Variants in LMO7 observed in about 807,000 individuals in gnomAD.
The protein encoded by LMO7 is LIM domain 7.
A neutral mutation model predicts 206.5 loss-of-function variants in LMO7; 120 were observed. The observed-to-expected ratio is 0.58, with a 90% CI of 0.50 to 0.68. The LOEUF is 0.68. Among genes scored for constraint, LMO7 ranks in the 30% least tolerant of loss-of-function variants. The pLI is 0.00. For synonymous variants in LMO7, 706 were observed against 681.5 expected, an observed-to-expected ratio of 1.04 and a Z score of -0.56; for missense variants, 1,959 against 1,957.9, an observed-to-expected ratio of 1.00 and a Z score of -0.01.
At chr13:75,706,537 T>C (rs976455769) in intron 1 of LMO7, among the ~76,000 whole-genome samples, 2 of 130,590 alleles carry the variant, frequency 1.5e-5, no homozygotes, top group Non-Finnish European at 3.1e-5. Context: ...AGAGAACTTA[T>C]CTTATACTGA....
chr13:75,697,054 C>A (rs970339438), intron 1 of LMO7, among the ~76,000 whole-genome samples: 3 of 152,078 alleles, frequency 2.0e-5, no homozygotes, highest in Non-Finnish European at 4.4e-5. Flanking sequence ...AGCCTGTGGG[C>A]TGTGATATCT....
intron 1 of LMO7, among the ~76,000 whole-genome samples, chr13:75,652,661 T>TG (rs2037699452): frequency 7.4e-6 from 1 of 135,664 alleles, no homozygotes; most frequent in Non-Finnish European, 1.6e-5. Context: ...GTGTGTGTAT[T>TG]TATTTTTAGG....
chr13:75,739,482 G>A (rs2046242227), intron 3 of LMO7, among the ~76,000 whole-genome samples: 1 of 152,202 alleles, frequency 6.6e-6, no homozygotes, highest in Non-Finnish European at 1.5e-5. Flanking sequence ...TAAGATGTTG[G>A]ATGTGTCAGT....
chr13:75,793,265 T>G (rs2053545524), intron 4 of LMO7, among the ~76,000 whole-genome samples: 1 of 152,194 alleles, frequency 6.6e-6, no homozygotes, highest in East Asian at 1.9e-4. Context: ...GTTAAAGTGC[T>G]GGGTTTTTGT....
intron 3 of LMO7, among the ~76,000 whole-genome samples, chr13:75,751,149 C>CTTTTTTTTTTTTTTTTTTTT (rs57976279): frequency 1.7e-5 from 1 of 60,390 alleles, no homozygotes; most frequent in African/African-American, 6.7e-5. Context: ...TTTTTCAGCT[C>CTTTTTTTTTTTTTTTTTTTT]TTTTTTTTTT....
intron 11 of LMO7, among the ~76,000 whole-genome samples, chr13:75,815,068 A>G (rs1038563592): frequency 2.0e-5 from 3 of 152,134 alleles, no homozygotes; most frequent in African/African-American, 7.2e-5. Context: ...GAGGTATACC[A>G]TGATCTGAGT....
At chr13:75,792,279 G>A (rs1235164200) in intron 4 of LMO7, among the ~76,000 whole-genome samples, 1 of 152,058 alleles carries the variant, frequency 6.6e-6, no homozygotes, top group Non-Finnish European at 1.5e-5. Flanking sequence ...GTTTCTTGAT[G>A]AACACTTCAC....
intron 1 of LMO7, among the ~76,000 whole-genome samples, chr13:75,711,496 A>G (rs1181587699): frequency 2.0e-5 from 3 of 152,174 alleles, no homozygotes; most frequent in Non-Finnish European, 2.9e-5. Flanking sequence ...TGGTCTATTC[A>G]GAGACTCAAT....
At chr13:75,624,003 C>T (rs932884453) in intron 2 of LMO7, among the ~76,000 whole-genome samples, 9 of 152,314 alleles carry the variant, frequency 5.9e-5, no homozygotes, top group African/African-American at 1.2e-4. Context: ...CTTTGAATGA[C>T]GATCCCAGTC....
chr13:75,756,341 G>A lies in LMO7; in HGVS notation c.211-4591G>A, dbSNP rs186779858. ...TGTATTTGCAGAAACACTGCCAGCT[G>A]AGACTGAAAGGAATAGAGAATCATG... On this transcript the variant is annotated intron_variant, in intron 3 of 30. Transcript: ENST00000377534. Among the ~76,000 whole-genome samples, 31 of 152,312 alleles carry A rather than the reference G, an allele frequency of 2.0e-4. No individual in the cohort carries two copies. In the East Asian group the frequency reaches 5.8e-3, roughly 28 times the overall value.
In LMO7 at chr13:75,841,828, T is replaced by C; in HGVS notation, c.3876T>C (p.Ile1292=). The C allele has an allele frequency of 6.2e-7, 1 of 1,613,894 alleles. No individual in the cohort carries two copies. Among genetic ancestry groups the C allele is most frequent in the South Asian group, 1.1e-5 (1 of 91,056 alleles). Residue 1292 remains isoleucine (I), a synonymous_variant, in exon 24 of 31, where the codon ATT becomes ATC. Coordinates refer to ENST00000377534, the MANE Select transcript of LMO7 (RefSeq NM_001306080.2). ...AGAAGCCGCAGGATCAGCTTGTTATTGAGAGAGAGAGGAAATGGGAGCAAC... is the reference window on the plus strand; with the variant it reads ...AGAAGCCGCAGGATCAGCTTGTTATCGAGAGAGAGAGGAAATGGGAGCAAC... ...QGKKPQDQLV[I]ERERKWEQQL...
At chr13:75,745,472 A>T (rs2046764881) in intron 3 of LMO7, among the ~76,000 whole-genome samples, 1 of 152,204 alleles carries the variant, frequency 6.6e-6, no homozygotes. Context: ...TGTGAAAAAT[A>T]AACTTAAAGA....
intron 1 of LMO7, among the ~76,000 whole-genome samples, chr13:75,701,817 G>A (rs1445529479): frequency 1.3e-5 from 2 of 152,132 alleles, no homozygotes; most frequent in Admixed American, 6.5e-5. Context: ...TGTAAAACTA[G>A]CACATTTTGT....
chr13:75,790,510 C>T (rs934586197), intron 4 of LMO7, among the ~76,000 whole-genome samples: 33 of 152,134 alleles, frequency 2.2e-4, no homozygotes, highest in African/African-American at 7.2e-4. Context: ...ACGACCCGGC[C>T]TGGGATCCCT....
intron 1 of LMO7, among the ~76,000 whole-genome samples, chr13:75,676,910 C>G (rs901733347): frequency 1.3e-5 from 2 of 152,110 alleles, no homozygotes; most frequent in African/African-American, 4.8e-5. Context: ...TACAGCTTTA[C>G]AGATTTAAGT....
chr13:75,649,291 G>A (rs1221438578), intron 1 of LMO7, among the ~76,000 whole-genome samples: 3 of 152,194 alleles, frequency 2.0e-5, no homozygotes, highest in Non-Finnish European at 4.4e-5. Context: ...GAGGATTAAG[G>A]ATTGAACTTT....
intron 1 of LMO7, among the ~76,000 whole-genome samples, chr13:75,712,782 G>A (rs2043219980): frequency 6.6e-6 from 1 of 152,120 alleles, no homozygotes; most frequent in Admixed American, 6.5e-5. Context: ...TAATGATAGT[G>A]TATTCAGTGT....
At chr13:75,805,418 A>T in intron 8 of LMO7, 61 bp from the exon 9 acceptor site, 1 of 1,531,888 alleles carries the variant, frequency 6.5e-7, no homozygotes, top group African/African-American at 1.4e-5. Flanking sequence ...AAAGCATGCC[A>T]TTTGTGTTCT....
chr13:75,857,783 ATC>A (rs2061086764), intron 30 of LMO7, 136 bp from the exon 31 acceptor site: 1 of 507,288 alleles, frequency 2.0e-6, no homozygotes, highest in Non-Finnish European at 3.5e-6. Context: ...GCCTAGCTTT[ATC>A]CTAAGAGTGA....
Sources: gnomAD v4.1 joint callset for allele counts (sites outside exome capture counted in the v4.1 genomes callset) on GRCh38, gnomAD v4.1.1 for gene constraint, MANE v1.5 for transcripts, NCBI Gene and HGNC (gene_info 2026-07-23, HGNC 2026-07-21) for gene names.